CEP290: variants seen among roughly 807,000 people sequenced by gnomAD.
CEP290 encodes the protein centrosomal protein 290, also known as centrosomal protein of 290 kDa.
CEP290 carries 317 observed loss-of-function variants against 344.9 expected under a neutral mutation model. That is an observed-to-expected ratio of 0.92 (90% CI 0.84 to 1.01). The LOEUF (loss-of-function observed/expected upper bound fraction) is 1.01. Ranked by LOEUF, CEP290 falls within the 50% of genes least tolerant of loss-of-function variation. CEP290 has a pLI of 0.00. For missense variants in CEP290, 2,754 were observed against 2,761.4 expected, an observed-to-expected ratio of 1.00 and a Z score of 0.06; for synonymous variants, 932 against 895.8, an observed-to-expected ratio of 1.04 and a Z score of -0.72.
At chr12:88,066,622 G>C (rs1252167770) in intron 44 of CEP290, among the ~76,000 whole-genome samples, 1 of 150,760 alleles carries the variant, frequency 6.6e-6, no homozygotes, top group African/African-American at 2.4e-5. Context: ...ATATACTTAG[G>C]CACAGAGCCT....
Position 88,062,694 on chromosome 12 carries a change from C to T in CEP290, c.6355G>A (p.Gly2119Arg), listed in dbSNP as rs1278340553. Reference protein sequence around the residue: ...EVQRKLGHVRGSGRSGKTIPE... With the variant: ...EVQRKLGHVRRSGRSGKTIPE... Reference sequence around the variant, plus strand: ...ATGTATGGTAAATTCTCACATACCCCTCTAACATGGCCAAGTTTCCGCTGA... The same window carrying T: ...ATGTATGGTAAATTCTCACATACCCTTCTAACATGGCCAAGTTTCCGCTGA... Residue 2119 changes from glycine to arginine, a missense_variant and splice_region_variant, in exon 46 of 54, where the codon GGG (glycine) becomes AGG (arginine). By Grantham distance (125) the Gly-to-Arg change is moderately radical. Transcript: ENST00000552810. The T allele has an allele frequency of 1.9e-6, 3 of 1,599,164 alleles. No homozygotes were observed. Among genetic ancestry groups the T allele is most frequent in the Admixed American group, 3.4e-5 (2 of 58,720 alleles).
At position 88,049,113 on chromosome 12, in the gene CEP290, G is replaced by A; in HGVS notation, c.*71C>T. On this transcript the variant is annotated 3_prime_UTR_variant, in exon 54 of 54. Coordinates refer to ENST00000552810, the MANE Select transcript of CEP290 (RefSeq NM_025114.4). ...AGGAAATACTACAGTTCGGAGAACT[G>A]CTTATTTCCAAGTATATTTAACTTA... 1.2e-6 allele frequency: 1 copy of A among 869,042 alleles called. No homozygotes were observed. The allele number at this position is 869,042 out of a possible 1,614,324, so 53.8% of individuals were successfully genotyped here.
intron 6 of CEP290, among the ~76,000 whole-genome samples, chr12:88,132,087 T>G (rs947460421): frequency 6.6e-6 from 1 of 152,218 alleles, no homozygotes. Context: ...ACAGAGTTCT[T>G]AGAAAAATGA....
At chr12:88,061,757 T>C (rs938700550) in intron 46 of CEP290, among the ~76,000 whole-genome samples, 1 of 152,048 alleles carries the variant, frequency 6.6e-6, no homozygotes, top group Non-Finnish European at 1.5e-5. Context: ...GCCAGCAAGA[T>C]ACTGTTCTGA....
chr12:88,061,108 C>G (rs1439625038), intron 46 of CEP290, 114 bp from the exon 47 acceptor site: 8 of 710,026 alleles, frequency 1.1e-5, no homozygotes, highest in Non-Finnish European at 1.7e-5. Flanking sequence ...GAAGTCAAAA[C>G]TGTATTAATT....
intron 13 of CEP290, among the ~76,000 whole-genome samples, chr12:88,124,634 T>C (rs2039623111): frequency 6.6e-6 from 1 of 152,124 alleles, no homozygotes; most frequent in Non-Finnish European, 1.5e-5. Flanking sequence ...TGCGCGTGTG[T>C]ATAAATGTAG....
chr12:88,054,467 T>C, intron 50 of CEP290, 54 bp from the exon 51 acceptor site: 1 of 1,294,230 alleles, frequency 7.7e-7, no homozygotes, highest in East Asian at 2.3e-5. Context: ...AATATGAGGA[T>C]TTATAAAGAT....
Position 88,084,648 on chromosome 12 carries a change from T to C in CEP290, c.4642A>G (p.Arg1548Gly). Residue 1548 changes from arginine to glycine, a missense_variant, in exon 35 of 54, where the codon AGG (arginine) becomes GGG (glycine). Physicochemically the swap from Arg to Gly is moderately radical, Grantham distance 125. Transcript: ENST00000552810. The stretch of plus-strand genomic sequence containing the variant: ...AATACTTCTTCTTTTTGATTTAACC[T>C]TGCTTGCATGTTTGCAATGGTTTGA... ...AHQTIANMQA[R>G]LNQKEEVLKK... The C allele has an allele frequency of 6.2e-7, 1 of 1,613,654 alleles. No individual in the cohort carries two copies. Among genetic ancestry groups the C allele is most frequent in the Non-Finnish European group, 8.5e-7 (1 of 1,179,606 alleles).
chr12:88,122,603 G>A (rs769466280), intron 13 of CEP290, among the ~76,000 whole-genome samples: 1 of 152,100 alleles, frequency 6.6e-6, no homozygotes. Context: ...GAGCTTTAGG[G>A]ATTATATAAC....
intron 6 of CEP290, among the ~76,000 whole-genome samples, chr12:88,134,388 C>T (rs2040242235): frequency 6.6e-6 from 1 of 152,198 alleles, no homozygotes; most frequent in South Asian, 2.1e-4. Context: ...TGTTTCCTTA[C>T]TAGTCTTGGC....
At chr12:88,113,590 A>G (rs1459276122) in intron 20 of CEP290, among the ~76,000 whole-genome samples, 3 of 152,042 alleles carry the variant, frequency 2.0e-5, no homozygotes, top group African/African-American at 7.2e-5. Context: ...ATCAAGCACA[A>G]ATTTGGGAAA....
At chr12:88,059,432 G>C (rs2034281341) in intron 48 of CEP290, among the ~76,000 whole-genome samples, 2 of 152,090 alleles carry the variant, frequency 1.3e-5, no homozygotes, top group African/African-American at 4.8e-5. Context: ...GTTTGAGATG[G>C]AGTCTCGCTC....
In CEP290 at chr12:88,049,161, GAAAC is replaced by G. The variant is rs142288119; in HGVS notation, c.*19_*22del. The G allele has an allele frequency of 0.01, 14,192 of 1,412,030 alleles. 1,150 individuals carry two copies. In the African/African-American group the frequency reaches 0.18, roughly 18 times the overall value. 87.5% of individuals were successfully genotyped at this position (1,412,030 alleles called of 1,614,324 possible). A position where few individuals can be genotyped will look rare whatever the true frequency, so the allele number is the denominator to read the frequency against. On this transcript the variant is annotated 3_prime_UTR_variant, in exon 54 of 54. Transcript: ENST00000552810. ...TTATAAAGTTAATAAATAGTTAAAT[GAAAC>G]AAAGTTTATAGGTGACCTTTAGTAA...
At chr12:88,123,667 C>G (rs1460909642) in intron 13 of CEP290, among the ~76,000 whole-genome samples, 2 of 152,050 alleles carry the variant, frequency 1.3e-5, no homozygotes, top group East Asian at 3.9e-4. Context: ...ACATTTACTC[C>G]CTTGGTGATC....
chr12:88,132,285 G>A (rs78230817), intron 6 of CEP290, among the ~76,000 whole-genome samples: 6,065 of 152,036 alleles, frequency 0.04, 412 homozygotes, highest in African/African-American at 0.14. Context: ...CTTTATTAAA[G>A]GAGACGATAG....
chr12:88,077,281 G>A lies in CEP290; in HGVS notation c.5650C>T (p.Leu1884=). ...IEELQRKVKK[L]ENQLEGKVEE... is the part of the protein sequence containing the mutation. ...ACCTTTCCCTCTAATTGGTTCTCTA[G>A]TTTTTTAACTTTCCTTTGGAGTTCT... Residue 1884 remains leucine (L), a synonymous_variant, in exon 41 of 54, where the codon CTA becomes TTA. Coordinates refer to ENST00000552810, the MANE Select transcript of CEP290 (RefSeq NM_025114.4). 6.2e-7 allele frequency: 1 copy of A among 1,602,848 alleles called. No homozygotes were observed. The highest frequency in any genetic ancestry group is 8.5e-7 in the Non-Finnish European group (1 of 1,175,088).
At position 88,084,211 on chromosome 12, in the gene CEP290, T is replaced by C. The variant is rs11104732; in HGVS notation, c.4705-257A>G. On this transcript the variant is annotated intron_variant, in intron 35 of 53. Transcript: ENST00000552810. ...TATCTATCATCTTTTAACTTACTTC[T>C]AGAAAAAATTAAATGTTAGCTTTCC... is the stretch of plus-strand genomic sequence containing the variant. Among the ~76,000 whole-genome samples, 11,891 of 152,214 alleles carry C rather than the reference T, an allele frequency of 0.078. 472 individuals are homozygous for C. Among genetic ancestry groups the C allele is most frequent in the Non-Finnish European group, 0.088 (5,982 of 67,956 alleles).
intron 21 of CEP290, 92 bp downstream of exon 21, chr12:88,111,602 C>T (rs2038695063): frequency 9.0e-7 from 1 of 1,111,968 alleles, no homozygotes; most frequent in East Asian, 2.9e-5. Context: ...GGGGCATTTT[C>T]TCATAAAGCA....
intron 31 of CEP290, among the ~76,000 whole-genome samples, chr12:88,088,388 T>A (rs1265249110): frequency 6.6e-6 from 1 of 152,158 alleles, no homozygotes; most frequent in African/African-American, 2.4e-5. Context: ...TACTTGTAGA[T>A]CAAAGATAAT....
Sources: gnomAD v4.1 joint callset for allele counts (sites outside exome capture counted in the v4.1 genomes callset) on GRCh38, gnomAD v4.1.1 for gene constraint, MANE v1.5 for transcripts, NCBI Gene and HGNC (gene_info 2026-07-23, HGNC 2026-07-21) for gene names.